The following SQLE variants were observed in gnomAD, a reference collection of about 807,000 sequenced individuals.
The protein encoded by SQLE is squalene epoxidase.
Under a neutral mutation model 60.7 loss-of-function variants are expected in SQLE, and 29 were observed. That is an observed-to-expected ratio of 0.48 (90% CI 0.36 to 0.65). The LOEUF (loss-of-function observed/expected upper bound fraction) is 0.65. Ranked by LOEUF, SQLE falls within the 30% of genes least tolerant of loss-of-function variation. The pLI is 0.00. For missense variants in SQLE, 605 were observed against 684.1 expected, an observed-to-expected ratio of 0.88 and a Z score of 1.29; for synonymous variants, 237 against 246.8, an observed-to-expected ratio of 0.96 and a Z score of 0.37.
At chr8:125,018,428 A>T (rs1252225107) in intron 8 of SQLE, among the ~76,000 whole-genome samples, 1 of 152,208 alleles carries the variant, frequency 6.6e-6, no homozygotes, top group Non-Finnish European at 1.5e-5. Flanking sequence ...CACTTAGCTC[A>T]TAGTGGTTGT....
chr8:124,999,495 G>A lies in SQLE; in HGVS notation c.92G>A (p.Cys31Tyr), dbSNP rs760681490. The stretch of plus-strand genomic sequence containing the variant: ...TTGGCCAACAGGGAGGTCCTGTTGT[G>A]CGTGCTGGTGTTCCTCTCGCTGGGC... ...ITLANREVLL[C>Y]VLVFLSLGLV... The change falls in exon 1 of 11, where the codon TGC (cysteine) becomes TAC (tyrosine). Residue 31 changes from cysteine to tyrosine, a missense_variant. By Grantham distance (194) the Cys-to-Tyr change is radical (BLOSUM62 -2). Transcript: ENST00000265896. 4 of 1,604,808 alleles carry A rather than the reference G, an allele frequency of 2.5e-6. No individual in the cohort carries two copies. Among genetic ancestry groups the A allele is most frequent in the Admixed American group, 3.4e-5 (2 of 58,484 alleles).
chr8:125,010,053 A>T (rs1588114058), intron 6 of SQLE, among the ~76,000 whole-genome samples: 1 of 152,340 alleles, frequency 6.6e-6, no homozygotes, highest in East Asian at 1.9e-4. Flanking sequence ...TGAGGTAGGC[A>T]TTATCATTAT....
chr8:125,021,905 T>C lies in SQLE; in HGVS notation c.1685T>C (p.Phe562Ser). 6.2e-7 allele frequency: 1 copy of C among 1,607,788 alleles called. No homozygotes were observed. Among genetic ancestry groups the C allele is most frequent in the Non-Finnish European group, 8.5e-7 (1 of 1,176,568 alleles). Reference sequence around the variant, plus strand: ...TTGTACAAAGCGTGTTCTGTAATATTTCCTCTAATTTACTCAGAAATGAAG... The same window carrying C: ...TTGTACAAAGCGTGTTCTGTAATATCTCCTCTAATTTACTCAGAAATGAAG... ...AVLYKACSVI[F>S]PLIYSEMKYM... is the part of the protein sequence containing the mutation. The change falls in exon 11 of 11, where the codon TTT (phenylalanine) becomes TCT (serine). Residue 562 changes from phenylalanine (F) to serine (S), a missense_variant. Transcript: ENST00000265896.
At chr8:125,019,868 C>A (rs10113457) in intron 9 of SQLE, among the ~76,000 whole-genome samples, 25,603 of 111,820 alleles carry the variant, frequency 0.23, 2,510 homozygotes, top group Middle Eastern at 0.43. Context: ...GGAAAAAAAA[C>A]AAAACAAAAA....
At chr8:125,014,953 T>C (rs1241585842) in intron 7 of SQLE, among the ~76,000 whole-genome samples, 1 of 152,174 alleles carries the variant, frequency 6.6e-6, no homozygotes, top group Non-Finnish European at 1.5e-5. Flanking sequence ...AGATTAAGTC[T>C]GATGTTTGTT....
chr8:125,003,343 G>C lies in SQLE; in HGVS notation c.459G>C (p.Glu153Asp), dbSNP rs1429307885. Residue 153 changes from glutamate to aspartate, a missense_variant, in exon 2 of 11, where the codon GAG (glutamate) becomes GAC (aspartate). Physicochemically the swap from Glu to Asp is conservative, Grantham distance 45. Transcript: ENST00000265896. ...ATGGAAGAAAGGTGACAGTCATTGA[G>C]AGAGACTTAAAAGAGCCTGACAGAA... ...SRDGRKVTVI[E>D]RDLKEPDRIV... is the part of the protein sequence containing the mutation. 1 of 1,613,870 alleles carries C rather than the reference G, an allele frequency of 6.2e-7. No individual in the cohort carries two copies. The highest frequency in any genetic ancestry group is 8.5e-7 in the Non-Finnish European group (1 of 1,179,906).
chr8:125,003,130 ATC>A, intron 1 of SQLE, 44 bp from the exon 2 acceptor site: 1 of 1,527,306 alleles, frequency 6.5e-7, no homozygotes, highest in Non-Finnish European at 8.8e-7. Flanking sequence ...CATGATTTGA[ATC>A]TAACAAATTT....
chr8:125,009,693 G>C (rs1161022295), intron 6 of SQLE, among the ~76,000 whole-genome samples: 8 of 151,982 alleles, frequency 5.3e-5, no homozygotes, highest in Non-Finnish European at 1.2e-4. Flanking sequence ...TACTCAGGAG[G>C]CTGAGGCAGA....
chr8:124,999,231 T>G lies in SQLE; in HGVS notation c.-173T>G, dbSNP rs1306106349. On this transcript the variant is annotated 5_prime_UTR_variant, in exon 1 of 11. Transcript: ENST00000265896. The stretch of plus-strand genomic sequence containing the variant: ...GGCTTCACATACTTTTACACTAACT[T>G]TATATGATTTTTAAAAACTGGTCTG... The G allele has an allele frequency of 5.5e-6, 3 of 543,902 alleles. No individual in the cohort carries two copies. The highest frequency in any genetic ancestry group is 8.5e-6 in the Non-Finnish European group (3 of 355,028). The allele number at this position is 543,902 out of a possible 1,614,324, so 33.7% of individuals were successfully genotyped here.
intron 4 of SQLE, among the ~76,000 whole-genome samples, chr8:125,008,423 T>TA (rs1326802065): frequency 6.6e-6 from 1 of 152,126 alleles, no homozygotes; most frequent in African/African-American, 2.4e-5. Context: ...ATTATCGTAG[T>TA]AAAAAACATG....
At chr8:125,001,511 T>G (rs765035857) in intron 1 of SQLE, among the ~76,000 whole-genome samples, 13 of 150,940 alleles carry the variant, frequency 8.6e-5, no homozygotes, top group South Asian at 8.4e-4. Context: ...GAAAAACTTA[T>G]GAAGAAGCAC....
At chr8:125,009,835 G>A (rs1056740821) in intron 6 of SQLE, among the ~76,000 whole-genome samples, 3 of 151,856 alleles carry the variant, frequency 2.0e-5, no homozygotes, top group Non-Finnish European at 4.4e-5. Flanking sequence ...TCACATAATA[G>A]CATAGTTTTT....
chr8:125,002,218 G>A (rs1440072863), intron 1 of SQLE, among the ~76,000 whole-genome samples: 1 of 152,136 alleles, frequency 6.6e-6, no homozygotes, highest in Non-Finnish European at 1.5e-5. Flanking sequence ...AAATCTAAGA[G>A]TCGGTATGAG....
chr8:125,021,969 A>G lies in SQLE; in HGVS notation c.*24A>G, dbSNP rs1384743488. On this transcript the variant is annotated 3_prime_UTR_variant, in exon 11 of 11. Coordinates refer to ENST00000265896, the MANE Select transcript of SQLE (RefSeq NM_003129.4). ...AAGCTTAAAGGGGAACCATTTGTGA[A>G]TGAATATTTGGAACTTACCAAGTCC... 6.5e-6 allele frequency: 10 copies of G among 1,547,648 alleles called. No homozygotes were observed.
At position 125,018,777 on chromosome 8, in the gene SQLE, C is replaced by T. The variant is rs143631325; in HGVS notation, c.1444+50C>T. 7.2e-4 allele frequency: 876 copies of T among 1,212,534 alleles called. 3 individuals are homozygous for T. In the African/African-American group the frequency reaches 0.012, roughly 17 times the overall value. 75.1% of individuals were successfully genotyped at this position (1,212,534 alleles called of 1,614,324 possible). ...ATATTACTCAATTGCAGATTTTTAG[C>T]GTAGGAAAGGAATAAACAAGTTAGT... On this transcript the variant is annotated intron_variant, in intron 9 of 10. Transcript: ENST00000265896.
At chr8:125,017,951 T>C (rs1815135859) in intron 7 of SQLE, 108 bp from the exon 8 acceptor site, 1 of 1,281,276 alleles carries the variant, frequency 7.8e-7, no homozygotes, top group Non-Finnish European at 1.1e-6. Flanking sequence ...TATTTTCACA[T>C]TTTTCTTATT....
Position 124,999,456 on chromosome 8 carries a change from G to A in SQLE, c.53G>A (p.Gly18Glu), listed in dbSNP as rs559474680. ...TTCACCTATTTTTATAAGAAGTTCG[G>A]GGACTTCATCACTTTGGCCAACAGG... ...ATFTYFYKKF[G>E]DFITLANREV... Residue 18 changes from glycine (G) to glutamate (E), a missense_variant, in exon 1 of 11, where the codon GGG (glycine) becomes GAG (glutamate). Gly to Glu is a moderately conservative substitution (Grantham distance 98). Coordinates refer to ENST00000265896, the MANE Select transcript of SQLE (RefSeq NM_003129.4). The A allele has an allele frequency of 3.2e-6, 5 of 1,548,296 alleles. No homozygotes were observed. The Admixed American group carries it at 1.0e-4, about 32-fold the overall frequency.
At position 125,018,115 on chromosome 8, in the gene SQLE, A is replaced by C. The variant is rs761057440; in HGVS notation, c.1261A>C (p.Met421Leu). Residue 421 changes from methionine (M) to leucine (L), a missense_variant, in exon 8 of 11, where the codon ATG (methionine) becomes CTG (leucine). By Grantham distance (15) the Met-to-Leu change is conservative. Transcript: ENST00000265896. ...NMRHPLTGGG[M>L]TVAFKDIKLW... ...GAGGCATCCACTTACTGGTGGAGGA[A>C]TGACTGTTGCTTTTAAAGATATAAA... is the stretch of plus-strand genomic sequence containing the variant. 6.2e-7 allele frequency: 1 copy of C among 1,613,880 alleles called. No individual in the cohort carries two copies. Among genetic ancestry groups the C allele is most frequent in the African/African-American group, 1.3e-5 (1 of 75,056 alleles).
intron 6 of SQLE, chr8:125,011,223 T>C (rs1815035949): frequency 1.0e-5 from 2 of 192,398 alleles, no homozygotes; most frequent in Admixed American, 1.1e-4. Context: ...TGTTAACATT[T>C]GGAAGAAAGG....
Sources: allele counts gnomAD v4.1 joint callset (sites outside exome capture counted in the v4.1 genomes callset), GRCh38; gene constraint gnomAD v4.1.1; transcripts MANE v1.5; gene names NCBI Gene and HGNC (gene_info 2026-07-23, HGNC 2026-07-21).